DLGAP1: variants seen among roughly 807,000 people sequenced by gnomAD.
DLGAP1 encodes the protein DLG associated protein 1, also known as disks large-associated protein 1.
A neutral mutation model predicts 90.8 loss-of-function variants in DLGAP1; 11 were observed. That is an observed-to-expected ratio of 0.12 (90% CI 0.08 to 0.20). DLGAP1 has a LOEUF of 0.20. Ranked by LOEUF, DLGAP1 falls within the 10% of genes least tolerant of loss-of-function variation. The pLI is 1.00. For synonymous variants in DLGAP1, 558 were observed against 540.7 expected, an observed-to-expected ratio of 1.03 and a Z score of -0.44; for missense variants, 1,050 against 1,333.8, an observed-to-expected ratio of 0.79 and a Z score of 3.31.
intron 5 of DLGAP1, among the ~76,000 whole-genome samples, chr18:3,772,334 C>CCTTCCTTCCTTTCTCTCCT (rs1474337978): frequency 1.5e-3 from 8 of 5,364 alleles, no homozygotes; most frequent in African/African-American, 2.6e-3. Context: ...TTCTCTCCTT[C>CCTTCCTTCCTTTCTCTCCT]TCTCTCTCTC....
intron 3 of DLGAP1, among the ~76,000 whole-genome samples, chr18:3,948,037 C>T (rs78470419): frequency 2.0e-5 from 3 of 152,220 alleles, no homozygotes; most frequent in East Asian, 3.9e-4. Flanking sequence ...GAATGCACAT[C>T]CCCAAAATGG....
chr18:3,708,624 G>A (rs1176017558), intron 7 of DLGAP1: 4 of 428,780 alleles, frequency 9.3e-6, no homozygotes, highest in African/African-American at 2.0e-5. Flanking sequence ...GGACTTAAGT[G>A]GCTTTAAATT....
rs2071135210 is a variant in DLGAP1 at position 3,880,750 on chromosome 18, C to G, written c.-72-610G>C. On this transcript the variant is annotated intron_variant, in intron 3 of 12. Coordinates refer to ENST00000315677, the MANE Select transcript of DLGAP1 (RefSeq NM_004746.4). ...CTGAGGTCAGGAGTTTGAGACCAGC[C>G]TGGCCAACATGGTGAAACCCTGTCT... Among the ~76,000 whole-genome samples the G allele has an allele frequency of 4.0e-5, 6 of 151,840 alleles. No individual in the cohort carries two copies. The South Asian group carries it at 1.3e-3, about 32-fold the overall frequency.
intron 2 of DLGAP1, among the ~76,000 whole-genome samples, chr18:4,020,097 T>C (rs753689421): frequency 3.7e-4 from 56 of 152,234 alleles, no homozygotes; most frequent in Middle Eastern, 3.4e-3. Context: ...AGACCTAGGT[T>C]TTATCGTGCA....
intron 1 of DLGAP1, among the ~76,000 whole-genome samples, chr18:4,170,299 G>C (rs2077001122): frequency 6.6e-6 from 1 of 152,180 alleles, no homozygotes; most frequent in Non-Finnish European, 1.5e-5. Context: ...CATTTACTTT[G>C]ATGAAGACTG....
At position 3,772,429 on chromosome 18, in the gene DLGAP1, T is replaced by C. The variant is rs28463211; in HGVS notation, c.1173-29917A>G. On this transcript the variant is annotated intron_variant, in intron 5 of 12. Coordinates refer to ENST00000315677, the MANE Select transcript of DLGAP1 (RefSeq NM_004746.4). The stretch of plus-strand genomic sequence containing the variant: ...CTTTCTCTTTCTTTCTTTCCTTCCT[T>C]CCTCCCTCCCTCCCTCCCCCCCACC... 3.0e-4 allele frequency among the ~76,000 whole-genome samples: 25 copies of C among 83,610 alleles called. 1 individual carries two copies. Among genetic ancestry groups the C allele is most frequent in the Non-Finnish European group, 2.4e-4 (10 of 40,858 alleles). 54.9% of individuals were successfully genotyped at this position (83,610 alleles called of 152,430 possible). A position where few individuals can be genotyped will look rare whatever the true frequency, so the allele number is the denominator to read the frequency against.
chr18:3,965,465 A>C (rs2073303444), intron 3 of DLGAP1, among the ~76,000 whole-genome samples: 1 of 152,262 alleles, frequency 6.6e-6, no homozygotes, highest in Non-Finnish European at 1.5e-5. Flanking sequence ...AACAGATTTA[A>C]ATGTATGAAT....
chr18:4,001,093 A>G (rs1471371717), intron 3 of DLGAP1, among the ~76,000 whole-genome samples: 1 of 140,706 alleles, frequency 7.1e-6, no homozygotes, highest in Non-Finnish European at 1.5e-5. Flanking sequence ...TATGTTTTAA[A>G]TCTTTTTATT....
intron 2 of DLGAP1, among the ~76,000 whole-genome samples, chr18:4,025,737 A>C (rs2074689019): frequency 6.6e-6 from 1 of 152,218 alleles, no homozygotes; most frequent in Admixed American, 6.5e-5. Flanking sequence ...CTAAGTTTTG[A>C]AAATAATTCA....
intron 4 of DLGAP1, among the ~76,000 whole-genome samples, chr18:3,852,052 T>C (rs549344312): frequency 6.6e-6 from 1 of 152,188 alleles, no homozygotes; most frequent in South Asian, 2.1e-4. Context: ...GTATCGAATA[T>C]GGCAAAGGAG....
chr18:3,749,281 T>C (rs898915116), intron 5 of DLGAP1, among the ~76,000 whole-genome samples: 1 of 151,870 alleles, frequency 6.6e-6, no homozygotes, highest in Non-Finnish European at 1.5e-5. Context: ...CCCAAGTAGC[T>C]GGGATTACAG....
chr18:3,640,095 T>A (rs2058883542), intron 7 of DLGAP1, among the ~76,000 whole-genome samples: 1 of 151,982 alleles, frequency 6.6e-6, no homozygotes, highest in Admixed American at 6.6e-5. Context: ...TGAGATAGGG[T>A]ACATTATTTT....
chr18:4,159,192 C>T (rs2144489882), intron 1 of DLGAP1, among the ~76,000 whole-genome samples: 2 of 152,268 alleles, frequency 1.3e-5, no homozygotes, highest in Admixed American at 1.3e-4. Flanking sequence ...CTCTCCCATC[C>T]ATTCTCCAAG....
At chr18:4,152,854 A>C (rs770402909) in intron 1 of DLGAP1, among the ~76,000 whole-genome samples, 24 of 152,208 alleles carry the variant, frequency 1.6e-4, no homozygotes, top group Non-Finnish European at 2.8e-4. Context: ...TATTCCATTA[A>C]ACCAGACAAG....
chr18:3,825,191 A>G (rs1200523833), intron 4 of DLGAP1, among the ~76,000 whole-genome samples: 1 of 152,250 alleles, frequency 6.6e-6, no homozygotes, highest in Non-Finnish European at 1.5e-5. Flanking sequence ...AGTATTCATT[A>G]CAGGGTTCTC....
chr18:3,516,595 G>C lies in DLGAP1; in HGVS notation c.2480-7934C>G, dbSNP rs370607167. Among the ~76,000 whole-genome samples, 6 of 152,294 alleles carry C rather than the reference G, an allele frequency of 3.9e-5. No individual in the cohort carries two copies. The South Asian group carries it at 1.0e-3, about 26-fold the overall frequency. ...CTGATAAAGACATACCTGAGACTAG[G>C]TAATTCATAAAACAGCGATGCTTAA... On this transcript the variant is annotated intron_variant, in intron 10 of 12. Coordinates refer to ENST00000315677, the MANE Select transcript of DLGAP1 (RefSeq NM_004746.4).
chr18:3,661,411 C>CA (rs1428976613), intron 7 of DLGAP1, among the ~76,000 whole-genome samples: 1 of 152,132 alleles, frequency 6.6e-6, no homozygotes, highest in African/African-American at 2.4e-5. Context: ...ATGAAACAGG[C>CA]AGCTTCCCCT....
intron 3 of DLGAP1, among the ~76,000 whole-genome samples, chr18:4,001,412 T>A (rs2074182488): frequency 6.6e-6 from 1 of 152,170 alleles, no homozygotes. Flanking sequence ...ATGCTTTTAT[T>A]GTCTGCGGAG....
At chr18:4,041,833 T>C (rs946371423) in intron 2 of DLGAP1, among the ~76,000 whole-genome samples, 3 of 152,196 alleles carry the variant, frequency 2.0e-5, no homozygotes, top group Non-Finnish European at 2.9e-5. Flanking sequence ...CTTAACATAT[T>C]AAAGGGCATA....
Sources: gnomAD v4.1 joint callset for allele counts (sites outside exome capture counted in the v4.1 genomes callset) on GRCh38, gnomAD v4.1.1 for gene constraint, MANE v1.5 for transcripts, NCBI Gene and HGNC (gene_info 2026-07-23, HGNC 2026-07-21) for gene names.